CRK: variants seen among roughly 807,000 people sequenced by gnomAD.
CRK encodes the protein adapter molecule crk.
CRK carries 4 observed loss-of-function variants against 29.8 expected under a neutral mutation model. The ratio of observed to expected loss-of-function variants is 0.13; its 90% CI spans 0.07 to 0.31. The LOEUF is 0.31. CRK is among the 10% of genes least tolerant of loss of function. The pLI, the probability that CRK is intolerant of heterozygous loss-of-function variation, is 1.00. For missense variants in CRK, 274 were observed against 396.5 expected (o/e 0.69, Z 2.62); for synonymous variants, 153 against 164.9 (o/e 0.93, Z 0.55).
At chr17:1,452,849 A>G (rs1034757394) in intron 1 of CRK, among the ~76,000 whole-genome samples, 4 of 151,944 alleles carry the variant, frequency 2.6e-5, no homozygotes, top group Non-Finnish European at 4.4e-5. Context: ...TCACACCTGC[A>G]GTTCCAAAAC....
intron 1 of CRK, among the ~76,000 whole-genome samples, chr17:1,450,380 G>A (rs2074008009): frequency 6.6e-6 from 1 of 151,878 alleles, no homozygotes; most frequent in African/African-American, 2.4e-5. Flanking sequence ...AGTGGCGGGC[G>A]CCTGTAGTCC....
At chr17:1,447,947 C>T (rs1331623873) in intron 1 of CRK, among the ~76,000 whole-genome samples, 4 of 152,084 alleles carry the variant, frequency 2.6e-5, no homozygotes, top group South Asian at 4.2e-4. Context: ...AATTCTTGCT[C>T]CCTCCCTTCC....
intron 1 of CRK, among the ~76,000 whole-genome samples, chr17:1,450,517 AAG>A (rs956469347): frequency 3.5e-5 from 4 of 112,814 alleles, no homozygotes; most frequent in African/African-American, 1.1e-4. Context: ...GTCTCAAAAA[AAG>A]AAAAAAAACA....
intron 1 of CRK, 58 bp downstream of exon 1, chr17:1,455,819 G>C: frequency 7.0e-7 from 1 of 1,436,658 alleles, no homozygotes; most frequent in Non-Finnish European, 9.1e-7. Flanking sequence ...AGCCAGCCAG[G>C]CTGGGAGTTC....
intron 1 of CRK, among the ~76,000 whole-genome samples, chr17:1,442,343 G>A (rs1026089019): frequency 1.3e-5 from 2 of 151,788 alleles, no homozygotes; most frequent in Non-Finnish European, 2.9e-5. Flanking sequence ...GTGGAGATGG[G>A]GTTTTGCTAT....
intron 2 of CRK, among the ~76,000 whole-genome samples, chr17:1,426,068 C>T (rs577817592): frequency 4.0e-5 from 6 of 151,738 alleles, no homozygotes; most frequent in African/African-American, 1.5e-4. Flanking sequence ...CGTGGCCAAG[C>T]GTGCTGGTGT....
intron 1 of CRK, among the ~76,000 whole-genome samples, chr17:1,441,083 G>C (rs563033787): frequency 2.0e-5 from 3 of 152,074 alleles, no homozygotes; most frequent in Non-Finnish European, 2.9e-5. Context: ...CTACAGGCAC[G>C]CATCACCACG....
At chr17:1,437,301 C>T (rs1293920160) in intron 1 of CRK, 146 bp from the exon 2 acceptor site, 11 of 848,720 alleles carry the variant, frequency 1.3e-5, no homozygotes, top group Non-Finnish European at 1.9e-5. Flanking sequence ...ATCCTCTCAC[C>T]ACAAACTCCT....
intron 2 of CRK, among the ~76,000 whole-genome samples, chr17:1,430,327 C>A (rs752830620): frequency 6.6e-6 from 1 of 151,486 alleles, no homozygotes; most frequent in Admixed American, 6.6e-5. Context: ...GGATTACAGG[C>A]GTGAACCACT....
At chr17:1,427,028 T>C (rs2150899352) in intron 2 of CRK, among the ~76,000 whole-genome samples, 1 of 37,270 alleles carries the variant, frequency 2.7e-5, no homozygotes, top group East Asian at 1.4e-3. Flanking sequence ...CAAAACTGTC[T>C]CCAAAAAAAA....
chr17:1,430,152 C>A (rs908467458), intron 2 of CRK, among the ~76,000 whole-genome samples: 1 of 151,136 alleles, frequency 6.6e-6, no homozygotes, highest in Non-Finnish European at 1.5e-5. Flanking sequence ...TCAAGTGATT[C>A]TCCTGCCTCA....
At chr17:1,448,156 A>C (rs978693527) in intron 1 of CRK, among the ~76,000 whole-genome samples, 1 of 151,744 alleles carries the variant, frequency 6.6e-6, no homozygotes, top group African/African-American at 2.4e-5. Flanking sequence ...GAGAAGATAT[A>C]TGGTCTCCTA....
chr17:1,441,409 G>A (rs1219841487), intron 1 of CRK, among the ~76,000 whole-genome samples: 1 of 151,982 alleles, frequency 6.6e-6, no homozygotes, highest in African/African-American at 2.4e-5. Flanking sequence ...GCTCACCGCA[G>A]TCTCAAACTC....
chr17:1,421,811 T>G lies in CRK; in HGVS notation c.*1702A>C, dbSNP rs61762277. The G allele has an allele frequency of 6.6e-6, 1 of 152,190 alleles. No individual in the cohort carries two copies. Among genetic ancestry groups the G allele is most frequent in the Non-Finnish European group, 1.5e-5 (1 of 68,028 alleles). The allele number at this position is 152,190 out of a possible 1,614,324, so 9.4% of individuals were successfully genotyped here. A position where few individuals can be genotyped will look rare whatever the true frequency, so the allele number is the denominator to read the frequency against. ...TATGCAGAACAATTAGAAAGGCAGA[T>G]TATTTTTCCAAAATGAGGTCCAAAG... On this transcript the variant is annotated 3_prime_UTR_variant, in exon 3 of 3. Transcript: ENST00000300574.
intron 2 of CRK, among the ~76,000 whole-genome samples, chr17:1,432,731 C>G (rs1250801887): frequency 6.7e-6 from 1 of 148,964 alleles, no homozygotes; most frequent in Non-Finnish European, 1.5e-5. Flanking sequence ...GCGCCGAGAT[C>G]ACGCCACTGC....
At position 1,453,833 on chromosome 17, in the gene CRK, G is replaced by C. The variant is rs535490973; in HGVS notation, c.241+2044C>G. 2.6e-5 allele frequency among the ~76,000 whole-genome samples: 4 copies of C among 152,186 alleles called. No individual in the cohort carries two copies. In the South Asian group the frequency reaches 6.2e-4, roughly 24 times the overall value. On this transcript the variant is annotated intron_variant, in intron 1 of 2. Coordinates refer to ENST00000300574, the MANE Select transcript of CRK (RefSeq NM_016823.4). ...GAGACAGGAGAATCCTTTGAACCCG[G>C]GGAGGTAGAGATTGCAGTGAGCTGA...
At chr17:1,453,035 G>A (rs910013964) in intron 1 of CRK, among the ~76,000 whole-genome samples, 5 of 152,180 alleles carry the variant, frequency 3.3e-5, no homozygotes, top group African/African-American at 1.2e-4. Flanking sequence ...TTGAGCCCAG[G>A]AGGTCAAGGC....
At chr17:1,435,051 C>T (rs1267185670) in intron 2 of CRK, among the ~76,000 whole-genome samples, 1 of 152,002 alleles carries the variant, frequency 6.6e-6, no homozygotes, top group African/African-American at 2.4e-5. Context: ...TGGCTTGTTC[C>T]ATGGCTTTTT....
At chr17:1,432,973 T>C (rs1010458854) in intron 2 of CRK, among the ~76,000 whole-genome samples, 1 of 152,148 alleles carries the variant, frequency 6.6e-6, no homozygotes, top group Non-Finnish European at 1.5e-5. Context: ...GTCCCGGCTG[T>C]ATCATGGAGT....
Sources: gnomAD v4.1 joint callset for allele counts (sites outside exome capture counted in the v4.1 genomes callset) on GRCh38, gnomAD v4.1.1 for gene constraint, MANE v1.5 for transcripts, NCBI Gene and HGNC (gene_info 2026-07-23, HGNC 2026-07-21) for gene names.